TNIK: variants seen among roughly 807,000 people sequenced by gnomAD.
TNIK encodes the protein TRAF2 and NCK-interacting protein kinase.
In TNIK, 49 loss-of-function variants were observed where a neutral mutation model predicts 191.3. That is an observed-to-expected ratio of 0.26 (90% CI 0.20 to 0.32). The LOEUF (loss-of-function observed/expected upper bound fraction) is 0.32, where lower values mean the gene tolerates loss of function less well. TNIK is among the 10% of genes least tolerant of loss of function. The pLI, the probability that TNIK is intolerant of heterozygous loss-of-function variation, is 1.00. For missense variants in TNIK, 1,155 were observed against 1,702.3 expected (o/e 0.68, Z 5.66); for synonymous variants, 594 against 600.9 (o/e 0.99, Z 0.17).
intron 1 of TNIK, among the ~76,000 whole-genome samples, chr3:171,396,092 T>A (rs1720207511): frequency 6.6e-6 from 1 of 152,036 alleles, no homozygotes; most frequent in South Asian, 2.1e-4. Flanking sequence ...TAGCTACCAC[T>A]CCTCAGACCC....
At chr3:171,335,666 T>C (rs1354038343) in intron 2 of TNIK, among the ~76,000 whole-genome samples, 3 of 152,240 alleles carry the variant, frequency 2.0e-5, no homozygotes, top group Non-Finnish European at 2.9e-5. Flanking sequence ...TTTTCCATTT[T>C]CCATTTGATA....
At chr3:171,310,178 C>T (rs1390216121) in intron 2 of TNIK, among the ~76,000 whole-genome samples, 1 of 151,880 alleles carries the variant, frequency 6.6e-6, no homozygotes, top group Non-Finnish European at 1.5e-5. Flanking sequence ...TTGGTAATAC[C>T]TCCCATAGCT....
At chr3:171,291,563 G>A in intron 2 of TNIK, among the ~76,000 whole-genome samples, 1 of 152,184 alleles carries the variant, frequency 6.6e-6, no homozygotes. Context: ...TAAAGATACT[G>A]TTAAACTCTC....
At chr3:171,117,900 G>A (rs955578209) in intron 18 of TNIK, among the ~76,000 whole-genome samples, 2 of 152,160 alleles carry the variant, frequency 1.3e-5, no homozygotes, top group African/African-American at 2.4e-5. Context: ...AACCTGGGAG[G>A]TGGAGGTTGC....
intron 21 of TNIK, among the ~76,000 whole-genome samples, chr3:171,102,498 T>C (rs1421371765): frequency 1.3e-5 from 2 of 152,186 alleles, no homozygotes; most frequent in African/African-American, 4.8e-5. Flanking sequence ...CCTTTTATTT[T>C]ACATGCTTTC....
rs1729317838 is a variant in TNIK, at chr3:171,460,234, G to T, written c.-171C>A. 2.5e-6 allele frequency: 2 copies of T among 811,792 alleles called. No individual in the cohort carries two copies. The highest frequency in any genetic ancestry group is 3.7e-4 in the Middle Eastern group (1 of 2,738). 50.3% of individuals were successfully genotyped at this position (811,792 alleles called of 1,614,324 possible). A position where few individuals can be genotyped will look rare whatever the true frequency, so the allele number is the denominator to read the frequency against. ...ACAGCGCCGGATCCCGATCCTCCGCGCGTCGGTCCGCCGGGTCCGGGAGCC... is the reference window on the plus strand; with the variant it reads ...ACAGCGCCGGATCCCGATCCTCCGCTCGTCGGTCCGCCGGGTCCGGGAGCC... On this transcript the variant is annotated 5_prime_UTR_variant, in exon 1 of 33. Transcript: ENST00000436636. The surrounding 1 kb of genome is among the most constrained non-coding windows in gnomAD (Gnocchi z 6.8).
intron 12 of TNIK, among the ~76,000 whole-genome samples, chr3:171,152,646 C>T (rs1210287772): frequency 6.6e-6 from 1 of 152,180 alleles, no homozygotes; most frequent in Non-Finnish European, 1.5e-5. Flanking sequence ...CAGAAGTTGA[C>T]GTCTTTTCAC....
chr3:171,071,460 C>T (rs909273825), intron 28 of TNIK, 137 bp from the exon 29 acceptor site: 1 of 711,086 alleles, frequency 1.4e-6, no homozygotes, highest in African/African-American at 1.8e-5. Context: ...GGTGATATTC[C>T]TGGTGTGGGA....
chr3:171,350,814 G>A (rs557784701), intron 2 of TNIK, among the ~76,000 whole-genome samples: 2 of 152,168 alleles, frequency 1.3e-5, no homozygotes, highest in South Asian at 2.1e-4. Flanking sequence ...AGCACAAAGA[G>A]GTTAAGCAAT....
chr3:171,077,419 A>G (rs772246876), intron 28 of TNIK, among the ~76,000 whole-genome samples: 1 of 152,202 alleles, frequency 6.6e-6, no homozygotes, highest in Non-Finnish European at 1.5e-5. Context: ...TTTTTAAGAC[A>G]GGAGTAAATC....
chr3:171,065,228 G>T (rs1484510374), intron 32 of TNIK, among the ~76,000 whole-genome samples: 1 of 152,158 alleles, frequency 6.6e-6, no homozygotes, highest in Non-Finnish European at 1.5e-5. Flanking sequence ...GGTTATGTTT[G>T]TTTTCTGGGA....
At chr3:171,371,548 A>T (rs1161548305) in intron 1 of TNIK, among the ~76,000 whole-genome samples, 1 of 152,190 alleles carries the variant, frequency 6.6e-6, no homozygotes, top group Non-Finnish European at 1.5e-5. Context: ...AGTTCCAGTT[A>T]TGCCCCACCT....
intron 2 of TNIK, 134 bp downstream of exon 2, chr3:171,369,486 G>C (rs781405335): frequency 9.0e-6 from 5 of 556,630 alleles, no homozygotes; most frequent in Middle Eastern, 2.8e-4. Context: ...AAAAGATGGA[G>C]AGTCAATCAA....
chr3:171,370,292 G>A (rs1423473974), intron 1 of TNIK, among the ~76,000 whole-genome samples: 1 of 152,180 alleles, frequency 6.6e-6, no homozygotes, highest in Non-Finnish European at 1.5e-5. Flanking sequence ...AGTTCCTGCA[G>A]TACCTGCTGA....
intron 12 of TNIK, among the ~76,000 whole-genome samples, chr3:171,150,815 A>G (rs1013506213): frequency 6.6e-6 from 1 of 152,180 alleles, no homozygotes; most frequent in Non-Finnish European, 1.5e-5. Context: ...CATAACGAAA[A>G]TGTGCTCTGG....
chr3:171,275,124 C>T (rs1749576928), intron 2 of TNIK, among the ~76,000 whole-genome samples: 1 of 152,102 alleles, frequency 6.6e-6, no homozygotes, highest in South Asian at 2.1e-4. Flanking sequence ...CCCCCAACCA[C>T]ACACACACAT....
chr3:171,068,810 T>C (rs1718802943), intron 30 of TNIK, 38 bp downstream of exon 30: 10 of 1,590,278 alleles, frequency 6.3e-6, no homozygotes, highest in Non-Finnish European at 8.6e-6. Context: ...CAGGCTGTTG[T>C]ACAGAGAGCC....
At chr3:171,351,905 C>T (rs890667616) in intron 2 of TNIK, among the ~76,000 whole-genome samples, 9 of 152,196 alleles carry the variant, frequency 5.9e-5, no homozygotes, top group Non-Finnish European at 1.2e-4. Flanking sequence ...AGGCACCCTG[C>T]CCATCCTGAA....
chr3:171,257,012 AT>A (rs1746959471), intron 2 of TNIK, among the ~76,000 whole-genome samples: 1 of 152,176 alleles, frequency 6.6e-6, no homozygotes, highest in Non-Finnish European at 1.5e-5. Context: ...AAAAGCACCT[AT>A]TAAGAACTGT....
Sources: allele counts gnomAD v4.1 joint callset (sites outside exome capture counted in the v4.1 genomes callset), GRCh38; gene constraint gnomAD v4.1.1; non-coding constraint Gnocchi (gnomAD v3.1); transcripts MANE v1.5; gene names NCBI Gene and HGNC (gene_info 2026-07-23, HGNC 2026-07-21).